The following CELF2 variants were observed in gnomAD, a reference collection of about 807,000 sequenced individuals.
The protein encoded by CELF2 is CUG triplet repeat RNA-binding protein 2.
Under a neutral mutation model 62.6 loss-of-function variants are expected in CELF2, and 8 were observed. That is an observed-to-expected ratio of 0.13 (90% confidence interval 0.07 to 0.23). The LOEUF is 0.23. Ranked by LOEUF, CELF2 falls within the 10% of genes least tolerant of loss-of-function variation. The pLI is 1.00. For synonymous variants in CELF2, 258 were observed against 250.0 expected, an observed-to-expected ratio of 1.03 and a Z score of -0.30; for missense variants, 333 against 671.0, an observed-to-expected ratio of 0.50 and a Z score of 5.56.
chr10:11,181,597 T>G (rs981803039), intron 2 of CELF2, among the ~76,000 whole-genome samples: 3 of 152,238 alleles, frequency 2.0e-5, no homozygotes, highest in African/African-American at 7.2e-5. Flanking sequence ...CTCTTCCTCC[T>G]GGACACCCCA....
In CELF2 at chr10:11,244,438, G is replaced by C. The variant is rs775463963; in HGVS notation, c.355-4715G>C. ...GGAGGCCGAGGTGGGTGGATCCCAA[G>C]GTCAGGAGATCGAGACCATCGTGGC... On this transcript the variant is annotated intron_variant, in intron 3 of 12. Transcript: ENST00000633077. This position sits in a 1 kb window ranked among gnomAD's most constrained non-coding sequence, Gnocchi z 4.2. 6.6e-6 allele frequency among the ~76,000 whole-genome samples: 1 copy of C among 152,200 alleles called. No individual in the cohort carries two copies. The highest frequency in any genetic ancestry group is 1.5e-5 in the Non-Finnish European group (1 of 68,026).
rs1029787019 is a variant in CELF2 at position 11,305,404 on chromosome 10, C to T, written c.977-8735C>T. On this transcript the variant is annotated intron_variant, in intron 9 of 12. Coordinates refer to ENST00000633077, the MANE Select transcript of CELF2 (RefSeq NM_001326342.2). This position sits in a 1 kb window ranked among gnomAD's most constrained non-coding sequence, Gnocchi z 4.8. ...GCATCCCTCACGGGTACACCGGGGC[C>T]AGTCCCTTCAACACTCTGGGCCTCT... Among the ~76,000 whole-genome samples, 3 of 152,256 alleles carry T rather than the reference C, an allele frequency of 2.0e-5. No homozygotes were observed. The highest frequency in any genetic ancestry group is 4.4e-5 in the Non-Finnish European group (3 of 68,044).
rs1051847716 is a variant in CELF2, at chr10:11,328,311, G to T, written c.1439-615G>T. On this transcript the variant is annotated intron_variant, in intron 12 of 12. Transcript: ENST00000633077. This position sits in a 1 kb window ranked among gnomAD's most constrained non-coding sequence, Gnocchi z 6.4. ...TCTCCTTGGTATTAACTCCAAATGG[G>T]TAAAAATCAAGTATGAGTGAGTTAT... Among the ~76,000 whole-genome samples the T allele has an allele frequency of 6.6e-6, 1 of 152,194 alleles. No homozygotes were observed. Among genetic ancestry groups the T allele is most frequent in the Non-Finnish European group, 1.5e-5 (1 of 68,024 alleles).
At position 11,243,115 on chromosome 10, in the gene CELF2, T is replaced by A. The variant is rs930757751; in HGVS notation, c.355-6038T>A. On this transcript the variant is annotated intron_variant, in intron 3 of 12. Transcript: ENST00000633077. This position sits in a 1 kb window ranked among gnomAD's most constrained non-coding sequence, Gnocchi z 4.1. ...CTGTGTGCCGAGATGCTCCCCTCCA[T>A]GAGCTCCACCTTCATTGTGCATAGG... Among the ~76,000 whole-genome samples the A allele has an allele frequency of 6.6e-6, 1 of 152,014 alleles. No individual in the cohort carries two copies. Among genetic ancestry groups the A allele is most frequent in the African/African-American group, 2.4e-5 (1 of 41,388 alleles).
intron 1 of CELF2, among the ~76,000 whole-genome samples, chr10:11,101,534 C>G (rs1564743711): frequency 6.6e-6 from 1 of 152,166 alleles, no homozygotes; most frequent in Admixed American, 6.5e-5. Flanking sequence ...GTTTCAAGGT[C>G]AGAGAAATTG....
chr10:11,151,887 C>G (rs1332223785), intron 1 of CELF2, among the ~76,000 whole-genome samples: 1 of 152,216 alleles, frequency 6.6e-6, no homozygotes, highest in African/African-American at 2.4e-5. Flanking sequence ...CATGCTCCAT[C>G]TTGCAACTTG....
At chr10:10,715,859 A>G in the CELF2 span, among the ~76,000 whole-genome samples, 1 of 152,208 alleles carries the variant, frequency 6.6e-6, no homozygotes, top group Non-Finnish European at 1.5e-5. Context: ...TTGCATTTAT[A>G]AGGAACACAT....
At chr10:11,274,631 AGT>A (rs746792578) in intron 7 of CELF2, among the ~76,000 whole-genome samples, 3 of 152,160 alleles carry the variant, frequency 2.0e-5, no homozygotes, top group Non-Finnish European at 4.4e-5. Context: ...TTGGCACCAG[AGT>A]CAGTGAACCA....
chr10:10,759,906 C>CTT, the CELF2 span, among the ~76,000 whole-genome samples: 1 of 151,208 alleles, frequency 6.6e-6, no homozygotes, highest in African/African-American at 2.4e-5. Flanking sequence ...TTCTTAAAAT[C>CTT]TTTTTTTTTG....
chr10:10,476,106 T>G, the CELF2 span, among the ~76,000 whole-genome samples: 2 of 152,130 alleles, frequency 1.3e-5, no homozygotes, highest in Non-Finnish European at 2.9e-5. Context: ...TTGACAGATA[T>G]TCTGGTAAAT....
At chr10:10,579,693 G>A in the CELF2 span, among the ~76,000 whole-genome samples, 2 of 152,006 alleles carry the variant, frequency 1.3e-5, no homozygotes, top group East Asian at 1.9e-4. Context: ...TCATCTTTTG[G>A]TATCATATTG....
intron 1 of CELF2, among the ~76,000 whole-genome samples, chr10:11,119,881 C>T (rs998300908): frequency 6.7e-6 from 1 of 149,850 alleles, no homozygotes; most frequent in Non-Finnish European, 1.5e-5. Context: ...CCCCGGCCCC[C>T]GCTTTTTTGT....
At position 10,957,011 on chromosome 10, in the gene CELF2, T is replaced by C. The variant is rs557868929; in HGVS notation, c.89+37012T>C. 2.0e-5 allele frequency among the ~76,000 whole-genome samples: 3 copies of C among 152,148 alleles called. No individual in the cohort carries two copies. The South Asian group carries it at 6.2e-4, about 32-fold the overall frequency. Reference sequence around the variant, plus strand: ...ATTTCAGGTCCTCTTAGAATGAGCCTAACGCTGCTTCCTATAACTCCAATG... The same window carrying C: ...ATTTCAGGTCCTCTTAGAATGAGCCCAACGCTGCTTCCTATAACTCCAATG... On this transcript the variant is annotated intron_variant, in intron 2 of 13. Transcript: ENST00000636488. The surrounding 1 kb of genome is among the most constrained non-coding windows in gnomAD (Gnocchi z 4.1).
intron 1 of CELF2, among the ~76,000 whole-genome samples, chr10:11,151,605 G>A (rs545278556): frequency 3.9e-5 from 6 of 152,130 alleles, no homozygotes; most frequent in Non-Finnish European, 8.8e-5. Flanking sequence ...GAGCCTTGCT[G>A]TAGAACCTGT....
chr10:10,595,653 C>A, the CELF2 span, among the ~76,000 whole-genome samples: 1 of 152,140 alleles, frequency 6.6e-6, no homozygotes, highest in South Asian at 2.1e-4. Context: ...ACTACACTTT[C>A]CCTAGAAATA....
chr10:10,976,447 A>G (rs1317985896), intron 2 of CELF2, among the ~76,000 whole-genome samples: 1 of 151,970 alleles, frequency 6.6e-6, no homozygotes, highest in African/African-American at 2.4e-5. Context: ...TGAAATTAGT[A>G]TGTCTCATTT....
chr10:10,564,837 TC>T, the CELF2 span, among the ~76,000 whole-genome samples: 29 of 150,792 alleles, frequency 1.9e-4, 1 homozygote, highest in East Asian at 5.7e-3. Flanking sequence ...TCAAACTACC[TC>T]CAGAAGAAAT....
At chr10:10,653,053 C>A in the CELF2 span, among the ~76,000 whole-genome samples, 1 of 152,078 alleles carries the variant, frequency 6.6e-6, no homozygotes, top group Non-Finnish European at 1.5e-5. Flanking sequence ...CAAAAAAAGG[C>A]AGGGGTTGCA....
At chr10:10,530,679 CAT>C in the CELF2 span, among the ~76,000 whole-genome samples, 1 of 152,202 alleles carries the variant, frequency 6.6e-6, no homozygotes, top group Non-Finnish European at 1.5e-5. Flanking sequence ...TCTGAGTTAA[CAT>C]AAAACTATCA....
Sources: gnomAD v4.1 joint callset for allele counts (sites outside exome capture counted in the v4.1 genomes callset) on GRCh38, gnomAD v4.1.1 for gene constraint, Gnocchi (gnomAD v3.1) non-coding constraint, MANE v1.5 for transcripts, NCBI Gene and HGNC (gene_info 2026-07-23, HGNC 2026-07-21) for gene names.